The following ATP13A4 variants were observed in gnomAD, a reference collection of about 807,000 sequenced individuals.
ATP13A4 encodes probable cation-transporting ATPase 13A4.
Under a neutral mutation model 142.5 loss-of-function variants are expected in ATP13A4, and 114 were observed. The observed-to-expected ratio is 0.80, with a 90% CI of 0.69 to 0.93. The LOEUF (loss-of-function observed/expected upper bound fraction) is 0.93, where lower values mean the gene tolerates loss of function less well. ATP13A4 is among the 40% of genes least tolerant of loss of function. ATP13A4 has a pLI of 0.00. For synonymous variants in ATP13A4, 488 were observed against 514.8 expected (o/e 0.95, Z 0.70); for missense variants, 1,392 against 1,454.0 (o/e 0.96, Z 0.69).
intron 8 of ATP13A4, among the ~76,000 whole-genome samples, chr3:193,474,040 C>T (rs1239566121): frequency 6.6e-6 from 1 of 152,066 alleles, no homozygotes; most frequent in East Asian, 1.9e-4. Context: ...ACAGTAGAGG[C>T]CAGGCGCGGT....
chr3:193,557,967 A>C (rs1359350300), upstream of ATP13A4, among the ~76,000 whole-genome samples: 1 of 152,222 alleles, frequency 6.6e-6, no homozygotes, highest in Non-Finnish European at 1.5e-5. Context: ...GGCTGCATGA[A>C]GGAAGAAGAG....
chr3:193,550,438 C>T (rs2108727781), intron 1 of ATP13A4, among the ~76,000 whole-genome samples: 1 of 151,902 alleles, frequency 6.6e-6, no homozygotes, highest in East Asian at 1.9e-4. Context: ...TCTCAAGTAG[C>T]TGGGACTACA....
intron 1 of ATP13A4, among the ~76,000 whole-genome samples, chr3:193,524,052 T>A (rs1310466343): frequency 6.6e-6 from 1 of 152,238 alleles, no homozygotes; most frequent in Non-Finnish European, 1.5e-5. Context: ...CAAATGTGGC[T>A]GCCAACTTTG....
At chr3:193,583,338 C>G (rs1467404589) in intron 1 of ATP13A4, among the ~76,000 whole-genome samples, 2 of 152,038 alleles carry the variant, frequency 1.3e-5, no homozygotes, top group Non-Finnish European at 2.9e-5. Flanking sequence ...CAGGCTGAGG[C>G]AGGAGGATTG....
At chr3:193,445,268 TC>T (rs1716880272) in intron 18 of ATP13A4, among the ~76,000 whole-genome samples, 1 of 151,666 alleles carries the variant, frequency 6.6e-6, no homozygotes, top group Non-Finnish European at 1.5e-5. Flanking sequence ...AAACCCTGTC[TC>T]TACTAAAAAT....
rs576236727 is a variant in ATP13A4, at chr3:193,491,358, T to G, written c.574A>C (p.Thr192Pro). Residue 192 changes from threonine to proline, a missense_variant, in exon 6 of 30, where the codon ACA (threonine) becomes CCA (proline). By Grantham distance (38) the Thr-to-Pro change is conservative. Coordinates refer to ENST00000342695, the MANE Select transcript of ATP13A4 (RefSeq NM_032279.4). ...CGPNTIDVEVTPIWKLLIKEV... is the reference protein window; with the variant it reads ...CGPNTIDVEVPPIWKLLIKEV... ...TTGATGAGCAGTTTCCAAATTGGTG[T>G]AACTTCAACATCGATAGTATTAGGC... 14 of 1,602,682 alleles carry G rather than the reference T, an allele frequency of 8.7e-6. No individual in the cohort carries two copies. In the South Asian group the frequency reaches 1.4e-4, roughly 16 times the overall value.
intron 25 of ATP13A4, among the ~76,000 whole-genome samples, chr3:193,422,487 A>G (rs1205731429): frequency 6.7e-6 from 1 of 149,876 alleles, no homozygotes; most frequent in Non-Finnish European, 1.5e-5. Context: ...TCACAAAACA[A>G]GTACTAAAAC....
At chr3:193,421,829 A>C (rs766768257) in intron 25 of ATP13A4, among the ~76,000 whole-genome samples, 1 of 149,844 alleles carries the variant, frequency 6.7e-6, no homozygotes, top group Non-Finnish European at 1.5e-5. Context: ...ATCAAAACTC[A>C]GCACTGGAGA....
intron 8 of ATP13A4, among the ~76,000 whole-genome samples, chr3:193,475,297 G>A (rs187637794): frequency 4.0e-4 from 61 of 152,090 alleles, no homozygotes; most frequent in African/African-American, 1.3e-3. Flanking sequence ...CCACACAAGA[G>A]AGTACCATGC....
intron 24 of ATP13A4, among the ~76,000 whole-genome samples, chr3:193,434,134 C>T (rs1716128616): frequency 1.3e-5 from 2 of 152,116 alleles, no homozygotes; most frequent in African/African-American, 4.8e-5. Flanking sequence ...GGCCTATCAT[C>T]ATGTGCTTTC....
intron 3 of ATP13A4, among the ~76,000 whole-genome samples, chr3:193,499,690 T>C (rs1025450726): frequency 2.0e-5 from 3 of 152,192 alleles, no homozygotes; most frequent in Admixed American, 6.5e-5. Flanking sequence ...GTGATGGCTA[T>C]CTACTTATTA....
At chr3:193,486,270 TTATTG>T (rs1290259907) in intron 7 of ATP13A4, among the ~76,000 whole-genome samples, 2 of 152,082 alleles carry the variant, frequency 1.3e-5, no homozygotes, top group Non-Finnish European at 2.9e-5. Flanking sequence ...ATTTAGAAGT[TTATTG>T]TAAGACCAAT....
chr3:193,453,704 T>A (rs2108633136), intron 17 of ATP13A4, among the ~76,000 whole-genome samples: 1 of 152,298 alleles, frequency 6.6e-6, no homozygotes, highest in South Asian at 2.1e-4. Context: ...TTCTGGTAAA[T>A]GTTATGTTTC....
intron 2 of ATP13A4, among the ~76,000 whole-genome samples, chr3:193,569,142 G>C (rs1724203596): frequency 6.6e-6 from 1 of 152,236 alleles, no homozygotes; most frequent in Non-Finnish European, 1.5e-5. Flanking sequence ...ACAGTGGCAA[G>C]TCATGCTGAG....
At chr3:193,468,725 C>T (rs1479951138) in intron 9 of ATP13A4, among the ~76,000 whole-genome samples, 1 of 152,052 alleles carries the variant, frequency 6.6e-6, no homozygotes, top group African/African-American at 2.4e-5. Flanking sequence ...GCAGCCTGGA[C>T]AATAGAGTGA....
At chr3:193,448,352 T>C (rs1325315206) in intron 17 of ATP13A4, 22 bp from the exon 18 acceptor site, 3 of 1,612,850 alleles carry the variant, frequency 1.9e-6, no homozygotes, top group Non-Finnish European at 2.5e-6. Context: ...TATATAGATG[T>C]ATTGAACAGA....
chr3:193,409,914 T>C (rs1261607624), intron 28 of ATP13A4, among the ~76,000 whole-genome samples: 3 of 152,208 alleles, frequency 2.0e-5, no homozygotes, highest in Non-Finnish European at 4.4e-5. Flanking sequence ...AATACAAGAA[T>C]GAATAAGATA....
In ATP13A4 at chr3:193,514,872, C is replaced by T. The variant is rs1209235008; in HGVS notation, c.61-1G>A. 24 of 1,613,934 alleles carry T rather than the reference C, an allele frequency of 1.5e-5. No homozygotes were observed. The highest frequency in any genetic ancestry group is 2.0e-5 in the Non-Finnish European group (24 of 1,179,878). On this transcript the variant is annotated splice_acceptor_variant, in intron 1 of 29. Coordinates refer to ENST00000342695, the MANE Select transcript of ATP13A4 (RefSeq NM_032279.4). LOFTEE classifies it high-confidence loss of function. ...CTTGAGTCCGATAGCCAAATATCTC[C>T]TGGGACAGAATCAAAATGATACCAA...
intron 25 of ATP13A4, among the ~76,000 whole-genome samples, chr3:193,416,103 A>G (rs1715047987): frequency 6.6e-6 from 1 of 152,202 alleles, no homozygotes; most frequent in Non-Finnish European, 1.5e-5. Context: ...GCAAATCTCT[A>G]TCAAAACATT....
Sources: gnomAD v4.1 joint callset for allele counts (sites outside exome capture counted in the v4.1 genomes callset) on GRCh38, gnomAD v4.1.1 for gene constraint, MANE v1.5 for transcripts, NCBI Gene and HGNC (gene_info 2026-07-23, HGNC 2026-07-21) for gene names.